SLC9A9: variants seen among roughly 807,000 people sequenced by gnomAD.
SLC9A9 encodes the protein solute carrier family 9 member A9, also known as sodium/hydrogen exchanger 9.
A neutral mutation model predicts 77.8 loss-of-function variants in SLC9A9; 62 were observed. That is an observed-to-expected ratio of 0.80 (90% CI 0.65 to 0.98). The LOEUF (loss-of-function observed/expected upper bound fraction) is 0.98, where lower values mean the gene tolerates loss of function less well. Among genes scored for constraint, SLC9A9 ranks in the 50% least tolerant of loss-of-function variants. The pLI is 0.00. For missense variants in SLC9A9, 775 were observed against 774.9 expected (o/e 1.00, Z 0.00); for synonymous variants, 320 against 283.5 (o/e 1.13, Z -1.29).
chr3:143,388,377 A>T (rs1232551168), intron 12 of SLC9A9, among the ~76,000 whole-genome samples: 1 of 152,232 alleles, frequency 6.6e-6, no homozygotes, highest in Admixed American at 6.5e-5. Flanking sequence ...GTGGCACAGT[A>T]GTTAAGAATT....
intron 13 of SLC9A9, among the ~76,000 whole-genome samples, chr3:143,374,168 C>G (rs1043424255): frequency 6.6e-6 from 1 of 151,860 alleles, no homozygotes; most frequent in Non-Finnish European, 1.5e-5. Flanking sequence ...GCTCACACCT[C>G]TAATCCCAGC....
chr3:143,720,659 C>A (rs923366476), intron 4 of SLC9A9, among the ~76,000 whole-genome samples: 1 of 152,188 alleles, frequency 6.6e-6, no homozygotes, highest in Non-Finnish European at 1.5e-5. Context: ...ATCCCTCCCC[C>A]TCTCCACCTT....
intron 9 of SLC9A9, among the ~76,000 whole-genome samples, chr3:143,511,131 C>G (rs2036109409): frequency 1.3e-5 from 2 of 152,132 alleles, no homozygotes; most frequent in Non-Finnish European, 2.9e-5. Flanking sequence ...TTGTTTGGCC[C>G]CAGACACCAC....
At chr3:143,814,373 G>A (rs1268496900) in intron 2 of SLC9A9, among the ~76,000 whole-genome samples, 1 of 152,192 alleles carries the variant, frequency 6.6e-6, no homozygotes, top group Non-Finnish European at 1.5e-5. Context: ...TGGGAAATGA[G>A]TGCCACAAAA....
intron 13 of SLC9A9, among the ~76,000 whole-genome samples, chr3:143,364,308 G>A (rs1295515909): frequency 2.0e-5 from 3 of 152,018 alleles, no homozygotes; most frequent in Middle Eastern, 3.4e-3. Context: ...ATCCAGTGGC[G>A]TTTTTACTGT....
chr3:143,340,039 T>C (rs989466881), intron 14 of SLC9A9, among the ~76,000 whole-genome samples: 2 of 152,192 alleles, frequency 1.3e-5, no homozygotes, highest in African/African-American at 2.4e-5. Context: ...CATCGTGACA[T>C]TGTAAACACA....
intron 5 of SLC9A9, among the ~76,000 whole-genome samples, chr3:143,668,741 C>T (rs769121959): frequency 1.4e-4 from 21 of 152,332 alleles, no homozygotes; most frequent in Non-Finnish European, 2.6e-4. Flanking sequence ...ATGTGGTTAG[C>T]TCCTCGAGGA....
intron 8 of SLC9A9, among the ~76,000 whole-genome samples, chr3:143,564,915 T>TGCATAAGTACTG (rs1458916730): frequency 1.3e-5 from 2 of 152,316 alleles, no homozygotes; most frequent in East Asian, 3.9e-4. Context: ...CAAATTATCT[T>TGCATAAGTACTG]GAGGTCTGGA....
chr3:143,362,280 G>A (rs1033512945), intron 14 of SLC9A9, among the ~76,000 whole-genome samples: 3 of 152,116 alleles, frequency 2.0e-5, no homozygotes, highest in Non-Finnish European at 4.4e-5. Flanking sequence ...AGATAACAGA[G>A]CTATGAAAAA....
intron 9 of SLC9A9, among the ~76,000 whole-genome samples, chr3:143,501,414 G>A (rs1031876592): frequency 6.6e-6 from 1 of 150,702 alleles, no homozygotes; most frequent in Non-Finnish European, 1.5e-5. Flanking sequence ...TTATGCAGAT[G>A]CCCATAGAGT....
At chr3:143,293,665 C>T (rs1307187225) in intron 14 of SLC9A9, among the ~76,000 whole-genome samples, 1 of 152,148 alleles carries the variant, frequency 6.6e-6, no homozygotes, top group Non-Finnish European at 1.5e-5. Flanking sequence ...TGAATTTTAG[C>T]ATGTTACTGT....
intron 2 of SLC9A9, among the ~76,000 whole-genome samples, chr3:143,830,922 C>T (rs1043560511): frequency 2.0e-5 from 3 of 152,026 alleles, no homozygotes; most frequent in African/African-American, 7.2e-5. Context: ...AGTTTACTTT[C>T]CCAAGTCTGA....
chr3:143,800,429 C>T (rs2008519628), intron 2 of SLC9A9, among the ~76,000 whole-genome samples: 1 of 152,198 alleles, frequency 6.6e-6, no homozygotes, highest in Non-Finnish European at 1.5e-5. Context: ...AGGATCTGCG[C>T]CTTATGAACC....
At chr3:143,538,462 G>A (rs1000789428) in intron 9 of SLC9A9, among the ~76,000 whole-genome samples, 1 of 152,170 alleles carries the variant, frequency 6.6e-6, no homozygotes, top group African/African-American at 2.4e-5. Flanking sequence ...TATGACACCA[G>A]CCTGCAGACC....
chr3:143,595,810 G>A (rs1209351500), intron 6 of SLC9A9, among the ~76,000 whole-genome samples: 6 of 152,180 alleles, frequency 3.9e-5, no homozygotes, highest in Non-Finnish European at 7.4e-5. Flanking sequence ...CCCCGATCTG[G>A]CACTGTTGGG....
At chr3:143,588,005 A>T (rs2037573401) in intron 6 of SLC9A9, among the ~76,000 whole-genome samples, 1 of 152,218 alleles carries the variant, frequency 6.6e-6, no homozygotes, top group South Asian at 2.1e-4. Context: ...AGAAGACAAG[A>T]TATAGTCCAA....
rs1287054821 is a variant in SLC9A9 at position 143,448,977 on chromosome 3, T to C, written c.1469+18060A>G. Among the ~76,000 whole-genome samples, 2 of 17,556 alleles carry C rather than the reference T, an allele frequency of 1.1e-4. 1 individual carries two copies. The highest frequency in any genetic ancestry group is 1.4e-4 in the Non-Finnish European group (2 of 14,164). The allele number at this position is 17,556 out of a possible 152,430, so 11.5% of individuals were successfully genotyped here. Reference sequence around the variant, plus strand: ...TAATATAATTATATAAATATAATTATATAAAAATAATTATAATTATATAAT... The same window carrying C: ...TAATATAATTATATAAATATAATTACATAAAAATAATTATAATTATATAAT... On this transcript the variant is annotated intron_variant, in intron 12 of 15. Transcript: ENST00000316549.
At chr3:143,310,996 G>GT (rs1385908913) in intron 14 of SLC9A9, among the ~76,000 whole-genome samples, 1 of 152,192 alleles carries the variant, frequency 6.6e-6, no homozygotes, top group Admixed American at 6.5e-5. Flanking sequence ...GAAAGGTCAA[G>GT]TTACCCAAGG....
chr3:143,569,741 TAC>T (rs2108653707), intron 8 of SLC9A9, among the ~76,000 whole-genome samples: 1 of 151,850 alleles, frequency 6.6e-6, no homozygotes, highest in African/African-American at 2.4e-5. Flanking sequence ...AGTTAAAAGG[TAC>T]AAGCACAAAT....
Sources: allele counts gnomAD v4.1 joint callset (sites outside exome capture counted in the v4.1 genomes callset), GRCh38; gene constraint gnomAD v4.1.1; transcripts MANE v1.5; gene names NCBI Gene and HGNC (gene_info 2026-07-23, HGNC 2026-07-21).